Variants in TMCO5A observed in about 807,000 individuals in gnomAD.
TMCO5A encodes the protein transmembrane and coiled-coil domain-containing protein 5A.
TMCO5A carries 34 observed loss-of-function variants against 42.3 expected under a neutral mutation model. The ratio of observed to expected loss-of-function variants is 0.80; its 90% CI spans 0.61 to 1.07. The LOEUF is 1.07. Among genes scored for constraint, TMCO5A ranks in the 50% least tolerant of loss-of-function variants. The pLI, the probability that TMCO5A is intolerant of heterozygous loss-of-function variation, is 0.00. For synonymous variants in TMCO5A, 131 were observed against 115.6 expected (o/e 1.13, Z -0.86); for missense variants, 357 against 327.9 (o/e 1.09, Z -0.69).
the TMCO5A span, among the ~76,000 whole-genome samples, chr15:37,977,905 T>TG: frequency 2.6e-5 from 4 of 152,018 alleles, no homozygotes; most frequent in Non-Finnish European, 4.4e-5. Flanking sequence ...CAACAAATAG[T>TG]GGGGGCAGGG....
the TMCO5A span, chr15:38,020,464 A>G: frequency 6.6e-6 from 1 of 152,230 alleles, no homozygotes; most frequent in Non-Finnish European, 1.5e-5. Flanking sequence ...CCAGTCCTGA[A>G]AAGAAGCAAG....
At chr15:38,011,979 C>G in the TMCO5A span, among the ~76,000 whole-genome samples, 1 of 152,066 alleles carries the variant, frequency 6.6e-6, no homozygotes, top group Non-Finnish European at 1.5e-5. Flanking sequence ...AAAAAAGTAG[C>G]CTGGCGCAGT....
At chr15:37,971,301 C>A (rs193026550), downstream of TMCO5A, among the ~76,000 whole-genome samples, 25 of 152,184 alleles carry the variant, frequency 1.6e-4, no homozygotes, top group Non-Finnish European at 2.6e-4. Flanking sequence ...CTGAGCTGCA[C>A]CTTGGCCCCT....
chr15:38,038,436 G>A, the TMCO5A span, among the ~76,000 whole-genome samples: 2 of 148,244 alleles, frequency 1.3e-5, no homozygotes, highest in African/African-American at 2.5e-5. Flanking sequence ...ACGGAGTCTC[G>A]CTTTGTCGCC....
chr15:38,014,794 G>A, the TMCO5A span, among the ~76,000 whole-genome samples: 2 of 135,934 alleles, frequency 1.5e-5, no homozygotes, highest in Non-Finnish European at 3.1e-5. Context: ...AGATCCTAAA[G>A]GAAAAGACAC....
At chr15:38,034,846 G>C in the TMCO5A span, among the ~76,000 whole-genome samples, 2 of 152,056 alleles carry the variant, frequency 1.3e-5, no homozygotes, top group Non-Finnish European at 2.9e-5. Flanking sequence ...GCTCTCCTCT[G>C]GGTGTGACCC....
intron 11 of TMCO5A, 74 bp from the exon 12 acceptor site, chr15:37,950,962 T>C (rs913373904): frequency 7.5e-7 from 1 of 1,327,798 alleles, no homozygotes; most frequent in Admixed American, 1.9e-5. Context: ...CAGATATGCA[T>C]TCAGGTATGA....
the TMCO5A span, among the ~76,000 whole-genome samples, chr15:38,006,901 G>C: frequency 6.6e-6 from 1 of 151,336 alleles, no homozygotes; most frequent in Non-Finnish European, 1.5e-5. Context: ...ATATTTGCAA[G>C]TCATACAGTC....
the TMCO5A span, among the ~76,000 whole-genome samples, chr15:38,015,249 G>C: frequency 6.6e-6 from 1 of 152,060 alleles, no homozygotes; most frequent in Non-Finnish European, 1.5e-5. Context: ...ATCCAATCAA[G>C]TTGACAGTAT....
At chr15:38,017,266 A>C in the TMCO5A span, among the ~76,000 whole-genome samples, 1 of 152,128 alleles carries the variant, frequency 6.6e-6, no homozygotes, top group Non-Finnish European at 1.5e-5. Context: ...GCCTCCTAAT[A>C]CTAGTAAAGA....
chr15:37,957,290 GA>G (rs1171944965), intron 11 of TMCO5A, among the ~76,000 whole-genome samples: 1 of 152,140 alleles, frequency 6.6e-6, no homozygotes, highest in Non-Finnish European at 1.5e-5. Flanking sequence ...CCAAAAAGAG[GA>G]AGTCAAATTG....
chr15:37,986,518 T>C, the TMCO5A span, among the ~76,000 whole-genome samples: 1 of 151,786 alleles, frequency 6.6e-6, no homozygotes, highest in East Asian at 1.9e-4. Flanking sequence ...TTAAGTACAT[T>C]CACACTTTTG....
chr15:38,004,018 A>T, the TMCO5A span, among the ~76,000 whole-genome samples: 1 of 152,110 alleles, frequency 6.6e-6, no homozygotes. Flanking sequence ...TGGGTCACAC[A>T]TGAAGCCAGC....
At chr15:38,036,436 C>T in the TMCO5A span, among the ~76,000 whole-genome samples, 2 of 152,020 alleles carry the variant, frequency 1.3e-5, no homozygotes, top group African/African-American at 4.8e-5. Context: ...TCTTTCCAAA[C>T]TTCTCCCACT....
downstream of TMCO5A, among the ~76,000 whole-genome samples, chr15:37,954,721 A>G (rs548251705): frequency 2.0e-5 from 3 of 152,284 alleles, no homozygotes; most frequent in East Asian, 5.8e-4. Context: ...GAACCAATCA[A>G]AAATAATAAC....
In TMCO5A at chr15:37,947,706, A is replaced by C; in HGVS notation, c.668+10A>C. ...GATTATTCAGTAAAAAGTAAGTAAAATATCTTCAGGTAAACTTCCTATAAA... is the reference window on the plus strand; with the variant it reads ...GATTATTCAGTAAAAAGTAAGTAAACTATCTTCAGGTAAACTTCCTATAAA... On this transcript the variant is annotated intron_variant, in intron 11 of 11. Coordinates refer to ENST00000319669, the MANE Select transcript of TMCO5A (RefSeq NM_152453.4). 3 of 1,579,762 alleles carry C rather than the reference A, an allele frequency of 1.9e-6. No homozygotes were observed. The highest frequency in any genetic ancestry group is 2.6e-6 in the Non-Finnish European group (3 of 1,153,204).
intron 10 of TMCO5A, among the ~76,000 whole-genome samples, chr15:37,944,744 A>G (rs1300589603): frequency 2.6e-5 from 4 of 152,062 alleles, no homozygotes; most frequent in Non-Finnish European, 4.4e-5. Context: ...TGGCTCTAAA[A>G]TGTGATCATA....
chr15:38,008,725 A>G, the TMCO5A span, among the ~76,000 whole-genome samples: 2 of 152,156 alleles, frequency 1.3e-5, no homozygotes, highest in African/African-American at 4.8e-5. Context: ...TTACCTCCAA[A>G]TGAGGTTGCC....
In TMCO5A at chr15:37,942,238, G is replaced by A. The variant is rs1161378836; in HGVS notation, c.552G>A (p.Leu184=). 5 of 1,612,914 alleles carry A rather than the reference G, an allele frequency of 3.1e-6. No homozygotes were observed. The highest frequency in any genetic ancestry group is 4.2e-6 in the Non-Finnish European group (5 of 1,179,218). The change falls in exon 9 of 12, where the codon CTG becomes CTA. Residue 184 remains leucine, a synonymous_variant. Coordinates refer to ENST00000319669, the MANE Select transcript of TMCO5A (RefSeq NM_152453.4). The stretch of plus-strand genomic sequence containing the variant: ...AAATAGAAGAAGAACTAGAGGCTCT[G>A]TTCCTTGAGAGAGAAGTGTGAGCTT... The part of the protein sequence containing the change: ...LKKIEEELEA[L]FLEREVSKLV...
Sources: allele counts gnomAD v4.1 joint callset (sites outside exome capture counted in the v4.1 genomes callset), GRCh38; gene constraint gnomAD v4.1.1; transcripts MANE v1.5; gene names NCBI Gene and HGNC (gene_info 2026-07-23, HGNC 2026-07-21).